Variants in SYTL2 observed in about 807,000 individuals in gnomAD.
The protein encoded by SYTL2 is synaptotagmin like 2.
A neutral mutation model predicts 198.7 loss-of-function variants in SYTL2; 165 were observed. The observed-to-expected ratio is 0.83, with a 90% CI of 0.73 to 0.94. The LOEUF (loss-of-function observed/expected upper bound fraction) is 0.94. Among genes scored for constraint, SYTL2 ranks in the 40% least tolerant of loss-of-function variants. The pLI, the probability that SYTL2 is intolerant of heterozygous loss-of-function variation, is 0.00. For synonymous variants in SYTL2, 966 were observed against 917.7 expected (o/e 1.05, Z -0.95); for missense variants, 2,835 against 2,582.8 (o/e 1.10, Z -2.12).
At chr11:85,839,944 T>C in the SYTL2 span, among the ~76,000 whole-genome samples, 6 of 152,290 alleles carry the variant, frequency 3.9e-5, no homozygotes, top group East Asian at 1.9e-4. Context: ...TCGCCACTAT[T>C]TGTTGTTGCC....
chr11:85,734,369 G>T lies in SYTL2; in HGVS notation c.960C>A (p.Asp320Glu). 1.2e-6 allele frequency: 2 copies of T among 1,614,200 alleles called. No homozygotes were observed. Among genetic ancestry groups the T allele is most frequent in the Non-Finnish European group, 1.7e-6 (2 of 1,180,020 alleles). The stretch of plus-strand genomic sequence containing the variant: ...GCTCCAGGGAGTTTGGGGAAGAGTT[G>T]TCTTCTAAAGAATGCTCCTTCTCAG... Reference protein sequence around the residue: ...RISEKEHSLEDNSSPNSLEPL... With the variant: ...RISEKEHSLEENSSPNSLEPL... Residue 320 changes from aspartate (D) to glutamate (E), a missense_variant, in exon 7 of 20, where the codon GAC becomes GAA. Transcript: ENST00000359152.
chr11:85,745,893 C>T (rs1295607938), intron 3 of SYTL2, 121 bp from the exon 4 acceptor site: 3 of 932,782 alleles, frequency 3.2e-6, no homozygotes, highest in Non-Finnish European at 4.8e-6. Flanking sequence ...AGTGCCAAGG[C>T]AATCACTGGG....
intron 1 of SYTL2, among the ~76,000 whole-genome samples, chr11:85,788,130 T>C (rs573312311): frequency 2.0e-5 from 3 of 152,258 alleles, no homozygotes; most frequent in African/African-American, 7.2e-5. Flanking sequence ...CAGGGTCCAG[T>C]TTTTAAAGAC....
intron 1 of SYTL2, among the ~76,000 whole-genome samples, chr11:85,778,234 T>C (rs1365590217): frequency 6.6e-6 from 1 of 152,198 alleles, no homozygotes; most frequent in Admixed American, 6.5e-5. Flanking sequence ...GTGTAATTCA[T>C]ACAATGTAGG....
At chr11:85,785,544 C>T (rs1440755224) in intron 1 of SYTL2, among the ~76,000 whole-genome samples, 1 of 152,134 alleles carries the variant, frequency 6.6e-6, no homozygotes, top group African/African-American at 2.4e-5. Flanking sequence ...TAAAATAATT[C>T]AAAACACTAA....
chr11:85,695,001 A>T lies in SYTL2; in HGVS notation c.*194T>A. 2.3e-6 allele frequency: 1 copy of T among 425,896 alleles called. No homozygotes were observed. The highest frequency in any genetic ancestry group is 4.1e-6 in the Non-Finnish European group (1 of 245,962). The allele number at this position is 425,896 out of a possible 1,614,324, so 26.4% of individuals were successfully genotyped here. ...TTATTTAATATTAGAGTCACAAATT[A>T]CACATTTTGTTATATTTAAATCCCT... On this transcript the variant is annotated 3_prime_UTR_variant, in exon 20 of 20. Coordinates refer to ENST00000359152, the MANE Select transcript of SYTL2 (RefSeq NM_206927.4).
chr11:85,766,216 G>C (rs930927663), intron 1 of SYTL2, among the ~76,000 whole-genome samples: 1 of 152,136 alleles, frequency 6.6e-6, no homozygotes, highest in African/African-American at 2.4e-5. Context: ...GTCAAGGGGG[G>C]GAGTTTGAAC....
At chr11:85,700,109 A>C (rs1280892069) in intron 17 of SYTL2, among the ~76,000 whole-genome samples, 1 of 152,226 alleles carries the variant, frequency 6.6e-6, no homozygotes, top group Non-Finnish European at 1.5e-5. Context: ...AACTAAAAAA[A>C]AAAATGAGAA....
At chr11:85,806,650 G>A (rs1050830667) in intron 1 of SYTL2, among the ~76,000 whole-genome samples, 1 of 152,188 alleles carries the variant, frequency 6.6e-6, no homozygotes, top group South Asian at 2.1e-4. Context: ...GTCAATAGAG[G>A]AGGCCCTTAG....
intron 8 of SYTL2, among the ~76,000 whole-genome samples, chr11:85,721,384 T>A (rs1218283712): frequency 6.6e-6 from 1 of 152,138 alleles, no homozygotes; most frequent in African/African-American, 2.4e-5. Flanking sequence ...AACATCTGTG[T>A]ATAATTGGGT....
At chr11:85,732,503 A>T (rs1411526128) in intron 7 of SYTL2, among the ~76,000 whole-genome samples, 1 of 149,656 alleles carries the variant, frequency 6.7e-6, no homozygotes, top group African/African-American at 2.4e-5. Context: ...CAGAAAACCA[A>T]CCACCGCATG....
chr11:85,815,444 T>C (rs1260736938), upstream of SYTL2, among the ~76,000 whole-genome samples: 1 of 152,222 alleles, frequency 6.6e-6, no homozygotes, highest in East Asian at 1.9e-4. Context: ...AATTTGTAAA[T>C]ACTGAATATT....
chr11:85,728,042 T>G (rs760824018), intron 7 of SYTL2, 75 bp from the exon 8 acceptor site: 1 of 1,317,274 alleles, frequency 7.6e-7, no homozygotes, highest in Non-Finnish European at 1.0e-6. Flanking sequence ...CATCATCATC[T>G]TTATAAAAGC....
chr11:85,717,981 C>T (rs1353459346), intron 10 of SYTL2, among the ~76,000 whole-genome samples: 1 of 152,268 alleles, frequency 6.6e-6, no homozygotes, highest in Admixed American at 6.5e-5. Flanking sequence ...ATAAGAAAGA[C>T]AGAACGATTA....
At chr11:85,733,433 T>C (rs979303059) in intron 7 of SYTL2, among the ~76,000 whole-genome samples, 3 of 152,138 alleles carry the variant, frequency 2.0e-5, no homozygotes, top group Non-Finnish European at 2.9e-5. Context: ...CTGGTACTTT[T>C]AGTTATTGGT....
chr11:85,727,863 T>G lies in SYTL2; in HGVS notation c.1495A>C (p.Lys499Gln). 6.2e-7 allele frequency: 1 copy of G among 1,612,764 alleles called. No homozygotes were observed. Among genetic ancestry groups the G allele is most frequent in the Non-Finnish European group, 8.5e-7 (1 of 1,179,568 alleles). ...KPPPLPALKA[K>Q]TSSRSGPYAT... ...TATGGACCAGAACGTGAAGATGTCT[T>G]AGCTTTTAGAGCCGGGAGAGGAGGG... The change falls in exon 8 of 20, where the codon AAG becomes CAG. Residue 499 changes from lysine (K) to glutamine (Q), a missense_variant. Coordinates refer to ENST00000359152, the MANE Select transcript of SYTL2 (RefSeq NM_206927.4).
At chr11:85,746,341 C>T (rs1159021778) in intron 3 of SYTL2, among the ~76,000 whole-genome samples, 1 of 152,168 alleles carries the variant, frequency 6.6e-6, no homozygotes, top group South Asian at 2.1e-4. Flanking sequence ...CCCCATAAAA[C>T]CTCTGTGCTC....
At chr11:85,781,525 A>G (rs187000552) in intron 1 of SYTL2, among the ~76,000 whole-genome samples, 2 of 152,306 alleles carry the variant, frequency 1.3e-5, no homozygotes, top group East Asian at 3.9e-4. Context: ...TTCTTAACTC[A>G]TTTCAGCATT....
intron 1 of SYTL2, among the ~76,000 whole-genome samples, chr11:85,787,700 CCTTTT>C (rs2092659179): frequency 2.8e-5 from 3 of 107,444 alleles, no homozygotes; most frequent in Non-Finnish European, 5.8e-5. Flanking sequence ...TTTTTCTTTT[CCTTTT>C]TTTTTTTTTT....
Sources: gnomAD v4.1 joint callset for allele counts (sites outside exome capture counted in the v4.1 genomes callset) on GRCh38, gnomAD v4.1.1 for gene constraint, MANE v1.5 for transcripts, NCBI Gene and HGNC (gene_info 2026-07-23, HGNC 2026-07-21) for gene names.